Variants in FAM135B observed in about 807,000 individuals in gnomAD.
FAM135B encodes family with sequence similarity 135 member B.
Under a neutral mutation model 127.7 loss-of-function variants are expected in FAM135B, and 43 were observed. That is an observed-to-expected ratio of 0.34 (90% CI 0.26 to 0.43). The LOEUF (loss-of-function observed/expected upper bound fraction) is 0.43. Among genes scored for constraint, FAM135B ranks in the 20% least tolerant of loss-of-function variants. The pLI is 1.00. For missense variants in FAM135B, 1,558 were observed against 1,725.6 expected, an observed-to-expected ratio of 0.90 and a Z score of 1.72; for synonymous variants, 670 against 665.1, an observed-to-expected ratio of 1.01 and a Z score of -0.11.
Position 138,134,783 on chromosome 8 carries a change from G to A in FAM135B, c.4016-1985C>T, listed in dbSNP as rs189556716. The stretch of plus-strand genomic sequence containing the variant: ...ATTAAGCCACACTTCTTTGATGTCC[G>A]TGTAAAAATGTAACAGAAAATATAA... On this transcript the variant is annotated intron_variant, in intron 19 of 19. Transcript: ENST00000395297. 4.0e-3 allele frequency among the ~76,000 whole-genome samples: 605 copies of A among 152,158 alleles called. 10 individuals are homozygous for A. Among genetic ancestry groups the A allele is most frequent in the African/African-American group, 0.014 (582 of 41,524 alleles).
At chr8:138,313,771 T>G (rs1826872240) in intron 2 of FAM135B, among the ~76,000 whole-genome samples, 1 of 33,598 alleles carries the variant, frequency 3.0e-5, no homozygotes, top group East Asian at 3.4e-4. Context: ...TCACATGCAG[T>G]GGACCTCAGT....
intron 2 of FAM135B, among the ~76,000 whole-genome samples, chr8:138,345,136 G>T (rs1307200135): frequency 6.6e-6 from 1 of 152,150 alleles, no homozygotes; most frequent in African/African-American, 2.4e-5. Flanking sequence ...GCCCAGCTCA[G>T]GTAACTTTTC....
chr8:138,277,604 C>T (rs188723963), intron 3 of FAM135B, among the ~76,000 whole-genome samples: 35 of 152,260 alleles, frequency 2.3e-4, no homozygotes, highest in African/African-American at 7.9e-4. Flanking sequence ...ACAATTGGAC[C>T]AGTCTCAGGC....
rs16909201 is a variant in FAM135B, at chr8:138,474,990, C to T, written c.-20+21681G>A. 2.6e-4 allele frequency among the ~76,000 whole-genome samples: 40 copies of T among 152,322 alleles called. No homozygotes were observed. The East Asian group carries it at 6.2e-3, about 23-fold the overall frequency. On this transcript the variant is annotated intron_variant, in intron 1 of 19. Coordinates refer to ENST00000395297, the MANE Select transcript of FAM135B (RefSeq NM_015912.4). ...TGCTTTTCCAGACCTGTCTGTGACA[C>T]GCATTCTCAGTATCACTCACTTTGG...
At chr8:138,344,574 TTTC>T (rs1220394665) in intron 2 of FAM135B, among the ~76,000 whole-genome samples, 3,642 of 23,462 alleles carry the variant, frequency 0.16, 65 homozygotes, top group East Asian at 0.32. Context: ...ACTTTCTTTC[TTTC>T]TTTTTTTTTT....
chr8:138,225,936 T>C (rs556733537), intron 7 of FAM135B, among the ~76,000 whole-genome samples: 63 of 152,244 alleles, frequency 4.1e-4, no homozygotes, highest in African/African-American at 1.4e-3. Flanking sequence ...TTCAGTTATA[T>C]TGAAGGTGTA....
intron 1 of FAM135B, among the ~76,000 whole-genome samples, chr8:138,458,240 G>A (rs1247889001): frequency 6.6e-6 from 1 of 152,204 alleles, no homozygotes; most frequent in Non-Finnish European, 1.5e-5. Context: ...CTCTGTGAAG[G>A]TGGGAATGTT....
intron 11 of FAM135B, among the ~76,000 whole-genome samples, chr8:138,171,423 A>T (rs1485300188): frequency 6.6e-6 from 1 of 152,130 alleles, no homozygotes; most frequent in Non-Finnish European, 1.5e-5. Context: ...GTGTTTTTAC[A>T]ATGCCTATCA....
chr8:138,270,339 C>G (rs1442406995), intron 3 of FAM135B, among the ~76,000 whole-genome samples: 3 of 152,196 alleles, frequency 2.0e-5, no homozygotes. Flanking sequence ...ACAGCACAAC[C>G]TGTTCCCAGA....
At chr8:138,447,067 C>G (rs964542032) in intron 1 of FAM135B, among the ~76,000 whole-genome samples, 1 of 151,538 alleles carries the variant, frequency 6.6e-6, no homozygotes, top group Non-Finnish European at 1.5e-5. Context: ...CTCATCATCA[C>G]TGGCCATCAG....
intron 1 of FAM135B, among the ~76,000 whole-genome samples, chr8:138,436,413 C>G (rs565296822): frequency 6.6e-6 from 1 of 152,246 alleles, no homozygotes; most frequent in East Asian, 1.9e-4. Flanking sequence ...AAAGGTGGCT[C>G]ACTCTACAGA....
chr8:138,304,619 C>T (rs1826103293), intron 3 of FAM135B, among the ~76,000 whole-genome samples: 1 of 152,166 alleles, frequency 6.6e-6, no homozygotes, highest in Non-Finnish European at 1.5e-5. Flanking sequence ...GTTGAAGGAA[C>T]TGCAAAAACA....
intron 1 of FAM135B, among the ~76,000 whole-genome samples, chr8:138,389,087 AAC>A (rs370215747): frequency 2.6e-5 from 4 of 152,192 alleles, no homozygotes; most frequent in Admixed American, 1.3e-4. Context: ...TTTCACATAC[AAC>A]ACACACACAA....
intron 2 of FAM135B, among the ~76,000 whole-genome samples, chr8:138,331,130 C>T (rs1313188073): frequency 6.6e-6 from 1 of 152,102 alleles, no homozygotes; most frequent in Non-Finnish European, 1.5e-5. Context: ...GTCCTGCCTC[C>T]CTGGCATGCC....
At chr8:138,345,487 A>G (rs532603880) in intron 2 of FAM135B, among the ~76,000 whole-genome samples, 2 of 152,344 alleles carry the variant, frequency 1.3e-5, no homozygotes, top group East Asian at 3.9e-4. Context: ...CTAAACGGAC[A>G]GGGTGGGCAG....
intron 3 of FAM135B, among the ~76,000 whole-genome samples, chr8:138,273,915 G>A (rs985176232): frequency 3.3e-5 from 5 of 151,912 alleles, no homozygotes; most frequent in South Asian, 2.1e-4. Context: ...GGCTCTCTAC[G>A]CCACCTACAA....
chr8:138,258,465 T>A (rs951969765), intron 4 of FAM135B, among the ~76,000 whole-genome samples: 4 of 152,214 alleles, frequency 2.6e-5, no homozygotes, highest in Non-Finnish European at 4.4e-5. Flanking sequence ...ATCATGAATC[T>A]AGCCTCAAAT....
chr8:138,260,458 T>C (rs1822455034), intron 4 of FAM135B, among the ~76,000 whole-genome samples: 1 of 152,160 alleles, frequency 6.6e-6, no homozygotes, highest in African/African-American at 2.4e-5. Context: ...CTGCTGTTAG[T>C]GCTAAGATCC....
rs2130758044 is a variant in FAM135B at position 138,152,142 on chromosome 8, C to A, written c.2333G>T (p.Ser778Ile). The part of the protein sequence containing the change: ...TKSVSAPHIS[S>I]PEEAAEDADT... Reference sequence around the variant, plus strand: ...CGCATCTTCAGCAGCCTCCTCTGGGCTACTGATGTGGGGAGCAGATACAGA... The same window carrying A: ...CGCATCTTCAGCAGCCTCCTCTGGGATACTGATGTGGGGAGCAGATACAGA... Residue 778 changes from serine (S) to isoleucine (I), a missense_variant, in exon 13 of 20, where the codon AGC (serine) becomes ATC (isoleucine). Physicochemically the swap from Ser to Ile is moderately radical, Grantham distance 142 (BLOSUM62 -2). Coordinates refer to ENST00000395297, the MANE Select transcript of FAM135B (RefSeq NM_015912.4). 1 of 1,613,990 alleles carries A rather than the reference C, an allele frequency of 6.2e-7. No homozygotes were observed. The highest frequency in any genetic ancestry group is 8.5e-7 in the Non-Finnish European group (1 of 1,180,012).
Sources: gnomAD v4.1 joint callset for allele counts (sites outside exome capture counted in the v4.1 genomes callset) on GRCh38, gnomAD v4.1.1 for gene constraint, MANE v1.5 for transcripts, NCBI Gene and HGNC (gene_info 2026-07-23, HGNC 2026-07-21) for gene names.